The following ATRNL1 variants were observed in gnomAD, a reference collection of about 807,000 sequenced individuals.
The protein encoded by ATRNL1 is attractin like 1.
ATRNL1 carries 95 observed loss-of-function variants against 182.7 expected under a neutral mutation model. The observed-to-expected ratio is 0.52, with a 90% CI of 0.44 to 0.62. The LOEUF (loss-of-function observed/expected upper bound fraction) is 0.62, where lower values mean the gene tolerates loss of function less well. Ranked by LOEUF, ATRNL1 falls within the 20% of genes least tolerant of loss-of-function variation. The pLI is 0.00. For synonymous variants in ATRNL1, 576 were observed against 568.3 expected (o/e 1.01, Z -0.19); for missense variants, 1,471 against 1,679.5 (o/e 0.88, Z 2.17).
chr10:115,594,952 A>G (rs1401273273), intron 26 of ATRNL1, among the ~76,000 whole-genome samples: 2 of 152,238 alleles, frequency 1.3e-5, no homozygotes, highest in Non-Finnish European at 2.9e-5. Context: ...TTCATTAGAT[A>G]AACATTCTAT....
chr10:115,148,602 G>A (rs1361533376), intron 5 of ATRNL1, among the ~76,000 whole-genome samples: 5 of 152,086 alleles, frequency 3.3e-5, no homozygotes, highest in Admixed American at 1.3e-4. Context: ...TTGTTGTCTC[G>A]CACTAAGGAA....
chr10:115,152,844 T>A (rs1393956437), intron 5 of ATRNL1, among the ~76,000 whole-genome samples: 2 of 152,166 alleles, frequency 1.3e-5, no homozygotes, highest in African/African-American at 4.8e-5. Context: ...TCATATTGGC[T>A]GTGGGTTTGT....
At chr10:115,688,716 C>T (rs1946297285) in intron 26 of ATRNL1, among the ~76,000 whole-genome samples, 1 of 152,042 alleles carries the variant, frequency 6.6e-6, no homozygotes, top group African/African-American at 2.4e-5. Flanking sequence ...ATATTAGTCT[C>T]CTGTCAGTTA....
chr10:115,351,454 A>T (rs1485470680), intron 19 of ATRNL1, among the ~76,000 whole-genome samples: 1 of 151,976 alleles, frequency 6.6e-6, no homozygotes, highest in African/African-American at 2.4e-5. Context: ...TTTTTTTTAA[A>T]TCATTAAGGG....
intron 27 of ATRNL1, among the ~76,000 whole-genome samples, chr10:115,737,435 A>C (rs573851581): frequency 7.1e-6 from 1 of 141,188 alleles, no homozygotes; most frequent in African/African-American, 2.6e-5. Flanking sequence ...GACCCTGTCT[A>C]AAAAAAAAAA....
chr10:115,103,007 A>G (rs1284170633), intron 1 of ATRNL1, among the ~76,000 whole-genome samples: 1 of 147,910 alleles, frequency 6.8e-6, no homozygotes, highest in African/African-American at 2.5e-5. Context: ...TTTTGTAGTT[A>G]TCAGATACAG....
intron 26 of ATRNL1, among the ~76,000 whole-genome samples, chr10:115,693,050 C>T: frequency 6.6e-6 from 1 of 152,118 alleles, no homozygotes; most frequent in Admixed American, 6.6e-5. Flanking sequence ...CTGAAGAGCA[C>T]TTTTGTGGAA....
At chr10:115,909,984 T>G (rs1393383590) in intron 28 of ATRNL1, among the ~76,000 whole-genome samples, 1 of 152,204 alleles carries the variant, frequency 6.6e-6, no homozygotes, top group East Asian at 1.9e-4. Flanking sequence ...ACTGAGGATG[T>G]TGCAACCTGA....
In ATRNL1 at chr10:115,698,185, G is replaced by T. The variant is rs192936041; in HGVS notation, c.3796-29063G>T. Among the ~76,000 whole-genome samples the T allele has an allele frequency of 7.7e-3, 1,111 of 143,384 alleles. 5 individuals are homozygous for T. The highest frequency in any genetic ancestry group is 0.013 in the Non-Finnish European group (878 of 67,910). The allele number at this position is 143,384 out of a possible 152,430, so 94.1% of individuals were successfully genotyped here. ...CAGAATAACCATTAAATAATAATAAGAAGAAATGTAATGAAGAGGCTACTA... is the reference window on the plus strand; with the variant it reads ...CAGAATAACCATTAAATAATAATAATAAGAAATGTAATGAAGAGGCTACTA... On this transcript the variant is annotated intron_variant, in intron 26 of 28. Transcript: ENST00000355044.
intron 8 of ATRNL1, among the ~76,000 whole-genome samples, chr10:115,206,984 C>T (rs1169364564): frequency 2.6e-5 from 4 of 152,118 alleles, no homozygotes; most frequent in South Asian, 2.1e-4. Context: ...TGATGGTTTC[C>T]AGCTTCATCC....
intron 15 of ATRNL1, among the ~76,000 whole-genome samples, chr10:115,296,996 AG>A (rs1311822085): frequency 6.6e-6 from 1 of 152,214 alleles, no homozygotes; most frequent in Non-Finnish European, 1.5e-5. Context: ...ATGAAGATAA[AG>A]GGTAGGCATC....
chr10:115,467,955 G>A (rs1475766456), intron 23 of ATRNL1, among the ~76,000 whole-genome samples: 1 of 150,296 alleles, frequency 6.7e-6, no homozygotes, highest in Non-Finnish European at 1.5e-5. Flanking sequence ...CTTTTTTATA[G>A]AAAATTTATG....
intron 27 of ATRNL1, among the ~76,000 whole-genome samples, chr10:115,793,877 T>C (rs782303719): frequency 3.3e-5 from 5 of 152,178 alleles, no homozygotes; most frequent in Admixed American, 1.3e-4. Flanking sequence ...GGTTGCACAA[T>C]TCTGTGATTA....
chr10:115,390,978 T>A (rs1843986881), intron 19 of ATRNL1, among the ~76,000 whole-genome samples: 1 of 152,216 alleles, frequency 6.6e-6, no homozygotes, highest in South Asian at 2.1e-4. Context: ...ATGTTATTGA[T>A]TTTTGTATGT....
intron 8 of ATRNL1, among the ~76,000 whole-genome samples, chr10:115,187,616 T>TTA (rs1554888998): frequency 6.6e-6 from 1 of 151,902 alleles, no homozygotes; most frequent in Admixed American, 6.6e-5. Context: ...AATGTTAAAT[T>TTA]TCTTAAAGTT....
chr10:115,575,251 C>G (rs111862445), intron 26 of ATRNL1, among the ~76,000 whole-genome samples: 1,934 of 152,192 alleles, frequency 0.013, 40 homozygotes, highest in African/African-American at 0.045. Flanking sequence ...ACTTTCAAGT[C>G]ATTTTGTTTA....
chr10:115,437,771 C>T (rs1030667041), intron 21 of ATRNL1, among the ~76,000 whole-genome samples: 2 of 151,928 alleles, frequency 1.3e-5, no homozygotes, highest in Non-Finnish European at 2.9e-5. Flanking sequence ...AGAATTCATT[C>T]AGAAATAACT....
At chr10:115,363,333 T>C (rs1856847711) in intron 19 of ATRNL1, among the ~76,000 whole-genome samples, 2 of 151,276 alleles carry the variant, frequency 1.3e-5, no homozygotes, top group Admixed American at 1.3e-4. Flanking sequence ...GAAGTGTCTG[T>C]TCATGTCCTT....
At chr10:115,863,048 A>T (rs1203774204) in intron 28 of ATRNL1, among the ~76,000 whole-genome samples, 4 of 152,236 alleles carry the variant, frequency 2.6e-5, no homozygotes, top group Non-Finnish European at 5.9e-5. Context: ...AAGATAAGTC[A>T]GAAACCAACA....
Sources: allele counts gnomAD v4.1 joint callset (sites outside exome capture counted in the v4.1 genomes callset), GRCh38; gene constraint gnomAD v4.1.1; transcripts MANE v1.5; gene names NCBI Gene and HGNC (gene_info 2026-07-23, HGNC 2026-07-21).